The following CTCFL variants were observed in gnomAD, a reference collection of about 807,000 sequenced individuals.
CTCFL encodes transcriptional repressor CTCFL.
Under a neutral mutation model 67.4 loss-of-function variants are expected in CTCFL, and 36 were observed. The observed-to-expected ratio is 0.53, with a 90% CI of 0.41 to 0.71. The LOEUF is 0.71. Among genes scored for constraint, CTCFL ranks in the 30% least tolerant of loss-of-function variants. The pLI is 0.00. For synonymous variants in CTCFL, 324 were observed against 302.3 expected, an observed-to-expected ratio of 1.07 and a Z score of -0.75; for missense variants, 786 against 835.2, an observed-to-expected ratio of 0.94 and a Z score of 0.73.
At chr20:57,514,001 G>A in intron 7 of CTCFL, 1 of 775,050 alleles carries the variant, frequency 1.3e-6, no homozygotes. Context: ...AGACCCTCTG[G>A]ATTCCCTCTC....
At chr20:57,513,115 T>G (rs972054444) in intron 7 of CTCFL, 1 of 293,716 alleles carries the variant, frequency 3.4e-6, no homozygotes, top group Non-Finnish European at 5.2e-6. Flanking sequence ...ATATAAGGTA[T>G]GTCACACTGG....
At chr20:57,507,264 T>C (rs1487823077) in intron 9 of CTCFL, 3 of 296,254 alleles carry the variant, frequency 1.0e-5, no homozygotes, top group Non-Finnish European at 1.9e-5. Flanking sequence ...CAATCTCAGC[T>C]CACTGCAACC....
rs764875553 is a variant in CTCFL, at chr20:57,518,748, ATG to A, written c.1059+8_1059+9del. 6.2e-7 allele frequency: 1 copy of A among 1,614,202 alleles called. No individual in the cohort carries two copies. The highest frequency in any genetic ancestry group is 8.5e-7 in the Non-Finnish European group (1 of 1,180,032). Reference sequence around the variant, plus strand: ...ATGCCATGAAGCTTCAAGTCCAAGAATGGCTTTACCTCCACACTGGCATACTT... The same window carrying A: ...ATGCCATGAAGCTTCAAGTCCAAGAAGCTTTACCTCCACACTGGCATACTT... On this transcript the variant is annotated splice_region_variant and intron_variant, in intron 5 of 10. Coordinates refer to ENST00000243914, the MANE Select transcript of CTCFL (RefSeq NM_001386993.1).
intron 5 of CTCFL, chr20:57,518,350 G>A (rs956905380): frequency 7.3e-5 from 26 of 357,360 alleles, no homozygotes; most frequent in Non-Finnish European, 1.0e-4. Flanking sequence ...TTAAATCTTC[G>A]AGCAAGCTGC....
At chr20:57,502,222 G>A (rs1015964044) in intron 10 of CTCFL, among the ~76,000 whole-genome samples, 1 of 152,222 alleles carries the variant, frequency 6.6e-6, no homozygotes, top group African/African-American at 2.4e-5. Flanking sequence ...GAGACGCAGA[G>A]AAAGAGTGGG....
chr20:57,496,095 G>A (rs528066282), downstream of CTCFL: 5 of 401,076 alleles, frequency 1.2e-5, no homozygotes, highest in Admixed American at 8.7e-5. Flanking sequence ...CAGTGTTGGA[G>A]GTGGGGCCTG....
chr20:57,503,320 T>A, intron 10 of CTCFL, 116 bp downstream of exon 10: 2 of 1,235,862 alleles, frequency 1.6e-6, no homozygotes, highest in South Asian at 2.7e-5. Context: ...CAGGACCGAC[T>A]GGTGGACAAA....
Position 57,507,461 on chromosome 20 carries a change from G to A in CTCFL, c.1674+1145C>T, listed in dbSNP as rs1439515443. ...TATCCACCTGCCTTGGCCTCCCGAA[G>A]TACTGGGATTACAGGTGTGAGCCCC... On this transcript the variant is annotated intron_variant, in intron 9 of 10. Coordinates refer to ENST00000243914, the MANE Select transcript of CTCFL (RefSeq NM_001386993.1). 8 of 650,980 alleles carry A rather than the reference G, an allele frequency of 1.2e-5. No homozygotes were observed. In the African/African-American group the frequency reaches 1.4e-4, roughly 12 times the overall value. 40.3% of individuals were successfully genotyped at this position (650,980 alleles called of 1,614,324 possible).
Position 57,508,689 on chromosome 20 carries a change from C to G in CTCFL, c.1591G>C (p.Ala531Pro), listed in dbSNP as rs773504302. 1 of 1,613,928 alleles carries G rather than the reference C, an allele frequency of 6.2e-7. No homozygotes were observed. Among genetic ancestry groups the G allele is most frequent in the Admixed American group, 1.7e-5 (1 of 59,972 alleles). ...KCFRQKQLLN[A>P]HFRKYHDANF... ...GCATCGTGGTATTTCCTGAAGTGAG[C>G]GTTTAGAAGTTGCTTCTGTCGGAAA... The change falls in exon 9 of 11, where the codon GCT becomes CCT. Residue 531 changes from alanine to proline, a missense_variant. Transcript: ENST00000243914.
intron 6 of CTCFL, 134 bp downstream of exon 6, chr20:57,515,580 T>G: frequency 9.4e-7 from 1 of 1,065,626 alleles, no homozygotes. Flanking sequence ...AGATCAAGAT[T>G]CTTTTATCAT....
In CTCFL at chr20:57,497,991, T is replaced by G. The variant is rs1314142570; in HGVS notation, c.*559A>C. 13 of 914,650 alleles carry G rather than the reference T, an allele frequency of 1.4e-5. No individual in the cohort carries two copies. The highest frequency in any genetic ancestry group is 1.7e-5 in the Non-Finnish European group (13 of 765,758). The allele number at this position is 914,650 out of a possible 1,614,324, so 56.7% of individuals were successfully genotyped here. On this transcript the variant is annotated 3_prime_UTR_variant, in exon 11 of 11. Transcript: ENST00000243914. ...AACATTTTTTGGTTGAATTTAGAAC[T>G]AATTAAAAGCATTATGGTAGCTTTA...
At chr20:57,503,836 A>G in intron 9 of CTCFL, among the ~76,000 whole-genome samples, 1 of 151,916 alleles carries the variant, frequency 6.6e-6, no homozygotes, top group East Asian at 1.9e-4. Context: ...TAGGAGGCCC[A>G]GGAGGGAGGC....
At chr20:57,518,114 G>C (rs1276253517) in intron 5 of CTCFL, among the ~76,000 whole-genome samples, 5 of 152,122 alleles carry the variant, frequency 3.3e-5, no homozygotes, top group Non-Finnish European at 7.4e-5. Flanking sequence ...GTCCCGACCA[G>C]GCTCAAAACC....
chr20:57,513,733 C>CA, intron 7 of CTCFL: 4 of 1,212,090 alleles, frequency 3.3e-6, no homozygotes, highest in African/African-American at 3.2e-5. Context: ...GAAAGGTTTT[C>CA]AAAAAAATTC....
chr20:57,500,597 G>A (rs547506525), intron 10 of CTCFL, among the ~76,000 whole-genome samples: 21 of 152,284 alleles, frequency 1.4e-4, no homozygotes, highest in African/African-American at 5.1e-4. Flanking sequence ...TGCAGATTAA[G>A]TCATATTTTT....
chr20:57,503,391 G>GA lies in CTCFL; in HGVS notation c.1840+44dup, dbSNP rs746011686. The stretch of plus-strand genomic sequence containing the variant: ...TCGGCACCCAGGATAGTCACAACCA[G>GA]AAAATCACTGAGGCGGTAAAAACAA... On this transcript the variant is annotated intron_variant, in intron 10 of 10. Coordinates refer to ENST00000243914, the MANE Select transcript of CTCFL (RefSeq NM_001386993.1). 1.8e-5 allele frequency: 29 copies of GA among 1,610,124 alleles called. No individual in the cohort carries two copies. The East Asian group carries it at 6.2e-4, about 35-fold the overall frequency.
rs1238026184 is a variant in CTCFL, at chr20:57,523,828, G to A, written c.378C>T (p.Pro126=). The part of the protein sequence containing the change: ...GPGLLWLEEG[P]RQSLQQCVAI... Reference sequence around the variant, plus strand: ...CCACACACTGCTGCAGGCTCTGCCGGGGCCCTTCCTCAAGCCACAGCAACC... The same window carrying A: ...CCACACACTGCTGCAGGCTCTGCCGAGGCCCTTCCTCAAGCCACAGCAACC... The change falls in exon 2 of 11, where the codon CCC becomes CCT. Residue 126 remains proline, a synonymous_variant. Transcript: ENST00000243914. The A allele has an allele frequency of 6.2e-7, 1 of 1,612,958 alleles. No individual in the cohort carries two copies. The highest frequency in any genetic ancestry group is 1.3e-5 in the African/African-American group (1 of 74,920).
chr20:57,503,631 G>A (rs935681996), intron 9 of CTCFL, 30 bp from the exon 10 acceptor site: 1 of 1,612,062 alleles, frequency 6.2e-7, no homozygotes, highest in African/African-American at 1.3e-5. Flanking sequence ...GAACACACAA[G>A]GCGAGTGAGA....
chr20:57,522,847 T>C (rs1252649058), intron 3 of CTCFL, among the ~76,000 whole-genome samples: 1 of 152,204 alleles, frequency 6.6e-6, no homozygotes, highest in African/African-American at 2.4e-5. Context: ...CAAGGCTTTG[T>C]GGGAACATTT....
Sources: gnomAD v4.1 joint callset for allele counts (sites outside exome capture counted in the v4.1 genomes callset) on GRCh38, gnomAD v4.1.1 for gene constraint, MANE v1.5 for transcripts, NCBI Gene and HGNC (gene_info 2026-07-23, HGNC 2026-07-21) for gene names.